Variants in NTM observed in about 807,000 individuals in gnomAD.
NTM encodes neurotrimin, also known as IgLON family member 2.
Under a neutral mutation model 42.1 loss-of-function variants are expected in NTM, and 13 were observed. The observed-to-expected ratio is 0.31, with a 90% CI of 0.20 to 0.49. NTM has a LOEUF of 0.49. Ranked by LOEUF, NTM falls within the 20% of genes least tolerant of loss-of-function variation. The probability of loss-of-function intolerance (pLI) is 0.99; values close to 1 mark genes in which losing one functional copy is unlikely to be tolerated. For missense variants in NTM, 373 were observed against 452.8 expected (o/e 0.82, Z 1.60); for synonymous variants, 187 against 179.2 (o/e 1.04, Z -0.35).
At chr11:131,568,511 C>T (rs2057120694) in intron 1 of NTM, among the ~76,000 whole-genome samples, 1 of 152,174 alleles carries the variant, frequency 6.6e-6, no homozygotes, top group Non-Finnish European at 1.5e-5. Context: ...GACGTCATAG[C>T]AACTGTCCAT....
In NTM at chr11:131,573,983, G is replaced by C. The variant is rs77828628; in HGVS notation, c.82+203095G>C. 3.3e-5 allele frequency among the ~76,000 whole-genome samples: 5 copies of C among 152,132 alleles called. No individual in the cohort carries two copies. The East Asian group carries it at 7.7e-4, about 24-fold the overall frequency. ...CCTCATGCTAGCTTAGGGGATAAAG[G>C]CCTGCAGGCTCTTTTCCTTATTTTT... On this transcript the variant is annotated intron_variant, in intron 1 of 8. Coordinates refer to ENST00000683400, the MANE Select transcript of NTM (RefSeq NM_001352005.2).
intron 1 of NTM, among the ~76,000 whole-genome samples, chr11:131,640,519 C>G (rs1291397659): frequency 6.6e-6 from 1 of 152,072 alleles, no homozygotes; most frequent in Non-Finnish European, 1.5e-5. Flanking sequence ...TTTTTTCTTG[C>G]TAATGAGGCT....
At chr11:131,711,008 C>T (rs948447471) in intron 1 of NTM, among the ~76,000 whole-genome samples, 1 of 152,104 alleles carries the variant, frequency 6.6e-6, no homozygotes, top group African/African-American at 2.4e-5. Flanking sequence ...CTTCTCTCTC[C>T]TTATTCTCTC....
intron 1 of NTM, among the ~76,000 whole-genome samples, chr11:131,744,754 G>A (rs1344692462): frequency 6.6e-6 from 1 of 152,114 alleles, no homozygotes; most frequent in Non-Finnish European, 1.5e-5. Context: ...AGTTTATTCA[G>A]GATGCAGGAA....
intron 2 of NTM, among the ~76,000 whole-genome samples, chr11:132,143,127 G>A (rs2069549171): frequency 6.6e-6 from 1 of 152,136 alleles, no homozygotes; most frequent in Non-Finnish European, 1.5e-5. Flanking sequence ...GTTCTCTCCT[G>A]TAACGTATCA....
chr11:131,789,631 GAAGAAAAGA>G, intron 1 of NTM, among the ~76,000 whole-genome samples: 1 of 84,666 alleles, frequency 1.2e-5, no homozygotes, highest in Non-Finnish European at 2.4e-5. Context: ...AGAAGAAGAA[GAAGAAAAGA>G]AGAAGAAGAA....
At chr11:131,456,388 G>T (rs1950894396) in intron 1 of NTM, among the ~76,000 whole-genome samples, 1 of 152,184 alleles carries the variant, frequency 6.6e-6, no homozygotes, top group South Asian at 2.1e-4. Flanking sequence ...TGACAGGAAT[G>T]ACCCAATTTG....
intron 1 of NTM, among the ~76,000 whole-genome samples, chr11:131,901,569 G>T (rs976391178): frequency 6.6e-6 from 1 of 151,792 alleles, no homozygotes; most frequent in Non-Finnish European, 1.5e-5. Flanking sequence ...GTCCCTTGGG[G>T]AATCTAGTAT....
rs1045099978 is a variant in NTM, at chr11:132,158,069, A to G, written c.400+11555A>G. Reference sequence around the variant, plus strand: ...TCTGTTCTCCATGCTCAGCGAAAGCATTTCTGTGCAGGCTTCGTTGTTCCT... The same window carrying G: ...TCTGTTCTCCATGCTCAGCGAAAGCGTTTCTGTGCAGGCTTCGTTGTTCCT... On this transcript the variant is annotated intron_variant, in intron 3 of 8. Transcript: ENST00000683400. 6.6e-5 allele frequency among the ~76,000 whole-genome samples: 10 copies of G among 152,246 alleles called. No individual in the cohort carries two copies. The East Asian group carries it at 1.7e-3, about 26-fold the overall frequency.
intron 2 of NTM, among the ~76,000 whole-genome samples, chr11:131,966,006 A>C (rs2062791471): frequency 6.6e-6 from 1 of 150,810 alleles, no homozygotes; most frequent in Non-Finnish European, 1.5e-5. Flanking sequence ...GAAGGGAGGA[A>C]TGGTATTTGT....
chr11:132,335,317 A>C lies in NTM; in HGVS notation c.*171A>C. 2.8e-6 allele frequency: 2 copies of C among 713,738 alleles called. No individual in the cohort carries two copies. The highest frequency in any genetic ancestry group is 2.0e-5 in the South Asian group (1 of 49,386). 44.2% of individuals were successfully genotyped at this position (713,738 alleles called of 1,614,324 possible). Reference sequence around the variant, plus strand: ...GGGGAACAAAGAATACTTTGGGGGGAAAAAAGTTTTAAAAAAGAAATTGAA... The same window carrying C: ...GGGGAACAAAGAATACTTTGGGGGGCAAAAAGTTTTAAAAAAGAAATTGAA... On this transcript the variant is annotated 3_prime_UTR_variant, in exon 9 of 9. Coordinates refer to ENST00000683400, the MANE Select transcript of NTM (RefSeq NM_001352005.2).
chr11:131,719,999 T>C (rs1372999219), intron 1 of NTM, among the ~76,000 whole-genome samples: 1 of 152,130 alleles, frequency 6.6e-6, no homozygotes, highest in Non-Finnish European at 1.5e-5. Flanking sequence ...TTAAGATCCT[T>C]TGTGGGAGGG....
intron 4 of NTM, among the ~76,000 whole-genome samples, chr11:132,298,272 A>G (rs2094701463): frequency 6.6e-6 from 1 of 152,194 alleles, no homozygotes; most frequent in Non-Finnish European, 1.5e-5. Flanking sequence ...TCCCCTATCA[A>G]TGTCTTTCAG....
intron 7 of NTM, among the ~76,000 whole-genome samples, chr11:132,315,651 TCCCATGGCCCA>T (rs1341707724): frequency 6.6e-6 from 1 of 152,134 alleles, no homozygotes; most frequent in African/African-American, 2.4e-5. Flanking sequence ...TTTGGGATAA[TCCCATGGCCCA>T]GCCATGTGCC....
At chr11:131,627,704 GCCTGTGGTCCCA>G (rs2063264475) in intron 1 of NTM, among the ~76,000 whole-genome samples, 1 of 152,038 alleles carries the variant, frequency 6.6e-6, no homozygotes, top group South Asian at 2.1e-4. Flanking sequence ...GCTGGTGCAT[GCCTGTGGTCCCA>G]CCTACCCTGG....
intron 2 of NTM, among the ~76,000 whole-genome samples, chr11:132,137,620 G>A (rs557549545): frequency 1.3e-4 from 20 of 152,308 alleles, no homozygotes; most frequent in African/African-American, 4.8e-4. Flanking sequence ...CAGCCAAGGT[G>A]TAGGAAAACT....
Position 132,323,805 on chromosome 11 carries a change from C to A in NTM, c.935-6348C>A, listed in dbSNP as rs1475025257. ...AATACTGGCAAACTGAATCCAGCAG[C>A]ACATCAAAAAGCTTATCCACCATGA... On this transcript the variant is annotated intron_variant, in intron 7 of 8. Transcript: ENST00000683400. 3.3e-5 allele frequency among the ~76,000 whole-genome samples: 5 copies of A among 151,854 alleles called. No individual in the cohort carries two copies. The East Asian group carries it at 7.7e-4, about 23-fold the overall frequency.
Position 132,243,446 on chromosome 11 carries a change from C to G in NTM, c.526+31299C>G, listed in dbSNP as rs1309299900. Among the ~76,000 whole-genome samples the G allele has an allele frequency of 3.3e-5, 5 of 152,298 alleles. No individual in the cohort carries two copies. In the East Asian group the frequency reaches 9.7e-4, roughly 29 times the overall value. On this transcript the variant is annotated intron_variant, in intron 4 of 8. Transcript: ENST00000683400. ...GTATGCCAGTGGAGCCGTTCCTACT[C>G]TTGCTCTGAATAATTCTCTGTGGGG...
chr11:132,003,862 T>C lies in NTM; in HGVS notation c.167+92214T>C, dbSNP rs2070038859. Among the ~76,000 whole-genome samples the C allele has an allele frequency of 6.6e-6, 1 of 152,230 alleles. No homozygotes were observed. Among genetic ancestry groups the C allele is most frequent in the African/African-American group, 2.4e-5 (1 of 41,464 alleles). Reference sequence around the variant, plus strand: ...TTGATTTCTCACCTAGCCACACAGATTATCTAAAAGGTCAAGATTCTCATG... The same window carrying C: ...TTGATTTCTCACCTAGCCACACAGACTATCTAAAAGGTCAAGATTCTCATG... On this transcript the variant is annotated intron_variant, in intron 2 of 8. Transcript: ENST00000683400. The surrounding 1 kb of genome is among the most constrained non-coding windows in gnomAD (Gnocchi z 6.0).
Sources: allele counts gnomAD v4.1 joint callset (sites outside exome capture counted in the v4.1 genomes callset), GRCh38; gene constraint gnomAD v4.1.1; non-coding constraint Gnocchi (gnomAD v3.1); transcripts MANE v1.5; gene names NCBI Gene and HGNC (gene_info 2026-07-23, HGNC 2026-07-21).